The following DLGAP2 variants were observed in gnomAD, a reference collection of about 807,000 sequenced individuals.
DLGAP2 encodes the protein DLG associated protein 2.
DLGAP2 carries 26 observed loss-of-function variants against 100.3 expected under a neutral mutation model. The ratio of observed to expected loss-of-function variants is 0.26; its 90% CI spans 0.19 to 0.36. DLGAP2 has a LOEUF of 0.36. Among genes scored for constraint, DLGAP2 ranks in the 10% least tolerant of loss-of-function variants. The pLI is 1.00. For missense variants in DLGAP2, 1,858 were observed against 1,453.2 expected, an observed-to-expected ratio of 1.28 and a Z score of -4.53; for synonymous variants, 886 against 630.1, an observed-to-expected ratio of 1.41 and a Z score of -6.08.
chr8:1,357,906 G>A (rs562021796), intron 3 of DLGAP2, among the ~76,000 whole-genome samples: 7 of 152,302 alleles, frequency 4.6e-5, no homozygotes, highest in African/African-American at 2.4e-5. Context: ...TGACATGGAT[G>A]TTGGCTCCCC....
At chr8:1,338,404 G>T (rs1801337298) in intron 3 of DLGAP2, among the ~76,000 whole-genome samples, 1 of 152,186 alleles carries the variant, frequency 6.6e-6, no homozygotes, top group Non-Finnish European at 1.5e-5. Context: ...TCCACCTACT[G>T]CATGATTCTA....
chr8:975,388 T>C (rs575354976), intron 2 of DLGAP2, among the ~76,000 whole-genome samples: 6 of 152,288 alleles, frequency 3.9e-5, no homozygotes, highest in African/African-American at 1.4e-4. Flanking sequence ...TGCTAAATAA[T>C]TCTATAAAAT....
In DLGAP2 at chr8:1,353,451, G is replaced by A. The variant is rs1337271923; in HGVS notation, c.106+94568G>A. Among the ~76,000 whole-genome samples, 4 of 152,326 alleles carry A rather than the reference G, an allele frequency of 2.6e-5. No individual in the cohort carries two copies. The East Asian group carries it at 5.8e-4, about 22-fold the overall frequency. ...AAGGTATTCACTTTATGATGAAATAGGCTTTGTGCCGGATGATCTTGCCCC... is the reference window on the plus strand; with the variant it reads ...AAGGTATTCACTTTATGATGAAATAAGCTTTGTGCCGGATGATCTTGCCCC... On this transcript the variant is annotated intron_variant, in intron 3 of 14. Coordinates refer to ENST00000637795, the MANE Select transcript of DLGAP2 (RefSeq NM_001346810.2).
intron 1 of DLGAP2, chr8:753,317 C>T (rs1274335423): frequency 6.6e-6 from 1 of 152,270 alleles, no homozygotes; most frequent in Non-Finnish European, 1.5e-5. Context: ...AGGCCGTCCC[C>T]TGCTCTTTCT....
intron 2 of DLGAP2, among the ~76,000 whole-genome samples, chr8:1,187,945 TC>T (rs1367915983): frequency 8.2e-6 from 1 of 122,150 alleles, no homozygotes; most frequent in Non-Finnish European, 1.6e-5. Flanking sequence ...GCCCGGGACT[TC>T]CGTGACGTTT....
chr8:968,593 G>T (rs895356185), intron 2 of DLGAP2, among the ~76,000 whole-genome samples: 5 of 152,174 alleles, frequency 3.3e-5, no homozygotes, highest in African/African-American at 1.2e-4. Flanking sequence ...CCAAGCCAGC[G>T]CCATGAGTGC....
At chr8:1,476,185 C>A (rs1298283964) in intron 3 of DLGAP2, among the ~76,000 whole-genome samples, 1 of 152,316 alleles carries the variant, frequency 6.6e-6, no homozygotes, top group East Asian at 1.9e-4. Context: ...AGCAAAGGTG[C>A]TTTCATGGAT....
chr8:994,680 C>CA (rs1436537664), intron 2 of DLGAP2, among the ~76,000 whole-genome samples: 2 of 152,174 alleles, frequency 1.3e-5, no homozygotes, highest in Non-Finnish European at 2.9e-5. Context: ...GGCTGGAACT[C>CA]AGCTCTGTAG....
chr8:775,492 T>C (rs1344711055), intron 1 of DLGAP2, among the ~76,000 whole-genome samples: 2 of 137,884 alleles, frequency 1.5e-5, no homozygotes, highest in Non-Finnish European at 3.1e-5. Flanking sequence ...GGGTTTGTCA[T>C]AGATAGCTCT....
At chr8:769,848 A>G (rs1176261076) in intron 1 of DLGAP2, among the ~76,000 whole-genome samples, 4 of 152,152 alleles carry the variant, frequency 2.6e-5, no homozygotes, top group African/African-American at 9.7e-5. Context: ...CTCCACGGAC[A>G]TGTTACGGAA....
At chr8:740,841 G>A (rs1213050417) in intron 1 of DLGAP2, among the ~76,000 whole-genome samples, 2 of 152,258 alleles carry the variant, frequency 1.3e-5, no homozygotes, top group East Asian at 3.9e-4. Flanking sequence ...AAATGAAGTT[G>A]ATTAAATATT....
chr8:1,497,368 G>C (rs1799578861), intron 3 of DLGAP2, among the ~76,000 whole-genome samples: 2 of 152,208 alleles, frequency 1.3e-5, no homozygotes, highest in African/African-American at 4.8e-5. Context: ...AAAGAGGCTA[G>C]GTGGAGGAAG....
chr8:1,464,071 C>T (rs958333241), intron 3 of DLGAP2, among the ~76,000 whole-genome samples: 8 of 149,858 alleles, frequency 5.3e-5, no homozygotes, highest in Admixed American at 1.3e-4. Flanking sequence ...CAACAGCCGC[C>T]TTCCTGAAGA....
intron 2 of DLGAP2, among the ~76,000 whole-genome samples, chr8:1,158,250 G>A (rs1471801672): frequency 6.6e-6 from 1 of 152,134 alleles, no homozygotes; most frequent in Non-Finnish European, 1.5e-5. Context: ...TTAAAATGAG[G>A]CAATGTAAAA....
intron 8 of DLGAP2, among the ~76,000 whole-genome samples, chr8:1,664,365 GCCAGGCTCACCC>G (rs1271656910): frequency 3.3e-5 from 5 of 152,140 alleles, no homozygotes; most frequent in African/African-American, 1.2e-4. Context: ...TCAAGGCACG[GCCAGGCTCACCC>G]CCAGGAAGCT....
chr8:1,459,684 CTTTTT>C (rs3052056), intron 3 of DLGAP2, among the ~76,000 whole-genome samples: 3 of 120,824 alleles, frequency 2.5e-5, no homozygotes, highest in Non-Finnish European at 4.9e-5. Context: ...CTGTTGTTTT[CTTTTT>C]TTTTTTTTTT....
intron 2 of DLGAP2, among the ~76,000 whole-genome samples, chr8:1,105,680 C>G (rs1804735151): frequency 7.0e-6 from 1 of 142,736 alleles, no homozygotes; most frequent in African/African-American, 2.6e-5. Flanking sequence ...GGGGGCCATT[C>G]TAGGATGGTT....
At chr8:1,443,330 C>G (rs983014342) in intron 3 of DLGAP2, among the ~76,000 whole-genome samples, 1 of 152,154 alleles carries the variant, frequency 6.6e-6, no homozygotes, top group Admixed American at 6.5e-5. Context: ...GATGTTAATA[C>G]TTCCAGCCTT....
At chr8:1,462,697 G>A (rs1798495014) in intron 3 of DLGAP2, among the ~76,000 whole-genome samples, 1 of 152,184 alleles carries the variant, frequency 6.6e-6, no homozygotes, top group Non-Finnish European at 1.5e-5. Context: ...GGGTGGCTGG[G>A]GAAGGGGAAG....
Sources: gnomAD v4.1 joint callset for allele counts (sites outside exome capture counted in the v4.1 genomes callset) on GRCh38, gnomAD v4.1.1 for gene constraint, MANE v1.5 for transcripts, NCBI Gene and HGNC (gene_info 2026-07-23, HGNC 2026-07-21) for gene names.